The following MBP variants were observed in gnomAD, a reference collection of about 807,000 sequenced individuals.
MBP encodes the protein Golli-MBP.
MBP carries 16 observed loss-of-function variants against 35.8 expected under a neutral mutation model. The observed-to-expected ratio is 0.45, with a 90% CI of 0.30 to 0.68. The LOEUF (loss-of-function observed/expected upper bound fraction) is 0.68. Ranked by LOEUF, MBP falls within the 30% of genes least tolerant of loss-of-function variation. MBP has a pLI of 0.08. For missense variants in MBP, 380 were observed against 404.7 expected (o/e 0.94, Z 0.52); for synonymous variants, 143 against 159.6 (o/e 0.90, Z 0.78).
chr18:77,098,781 A>T (rs9961315), intron 2 of MBP, among the ~76,000 whole-genome samples: 35,934 of 152,162 alleles, frequency 0.24, 4,955 homozygotes, highest in Middle Eastern at 0.37. Context: ...TTCGGCAAAC[A>T]TCACTCTCAC....
chr18:76,996,710 T>G, intron 4 of MBP, among the ~76,000 whole-genome samples: 6 of 143,834 alleles, frequency 4.2e-5, no homozygotes, highest in African/African-American at 5.2e-5. Flanking sequence ...GGGCAGGGAG[T>G]GGAGGGAGGG....
intron 3 of MBP, among the ~76,000 whole-genome samples, chr18:77,024,124 C>G (rs2123529014): frequency 6.6e-6 from 1 of 152,384 alleles, no homozygotes; most frequent in Middle Eastern, 3.4e-3. Flanking sequence ...AAGTCAGCCT[C>G]TACACCCATG....
intron 3 of MBP, among the ~76,000 whole-genome samples, chr18:77,025,705 C>CTTTTTTTTTTTTTTTTTTTTTT (rs540022394): frequency 9.2e-6 from 1 of 108,830 alleles, no homozygotes; most frequent in African/African-American, 4.1e-5. Context: ...TATTGAAATA[C>CTTTTTTTTTTTTTTTTTTTTTT]TTTTTTTTTT....
At chr18:77,111,399 C>A (rs1005753168) in intron 1 of MBP, among the ~76,000 whole-genome samples, 1 of 152,242 alleles carries the variant, frequency 6.6e-6, no homozygotes, top group Non-Finnish European at 1.5e-5. Context: ...GGTGCAGACC[C>A]AGTATCCCAG....
chr18:77,029,271 C>T (rs1183604233), intron 3 of MBP, among the ~76,000 whole-genome samples: 7 of 149,272 alleles, frequency 4.7e-5, no homozygotes, highest in African/African-American at 1.5e-4. Flanking sequence ...ACCAGTCAGG[C>T]GTGGCGGCGC....
At chr18:77,035,187 C>T (rs11876149) in intron 3 of MBP, among the ~76,000 whole-genome samples, 15,375 of 152,174 alleles carry the variant, frequency 0.1, 891 homozygotes, top group East Asian at 0.25. Context: ...CTGCTTCTTA[C>T]GCATTCCGTA....
intron 4 of MBP, among the ~76,000 whole-genome samples, chr18:76,995,334 G>A (rs1970210195): frequency 1.3e-5 from 2 of 152,166 alleles, no homozygotes. Context: ...CTAGAGACAG[G>A]TGGATTCTAA....
intron 8 of MBP, chr18:76,982,233 T>C (rs1411786919): frequency 6.6e-6 from 1 of 152,274 alleles, no homozygotes; most frequent in Non-Finnish European, 1.5e-5. Flanking sequence ...CCTGCATGGA[T>C]GCAACAGTCA....
At chr18:77,009,071 G>C (rs371745211) in intron 4 of MBP, among the ~76,000 whole-genome samples, 1 of 152,228 alleles carries the variant, frequency 6.6e-6, no homozygotes, top group African/African-American at 2.4e-5. Context: ...CAGGTGCCAC[G>C]GTGCAGACGG....
intron 4 of MBP, among the ~76,000 whole-genome samples, chr18:76,993,883 A>G (rs1970118850): frequency 6.6e-6 from 1 of 152,212 alleles, no homozygotes; most frequent in Non-Finnish European, 1.5e-5. Context: ...TGAGGATGTC[A>G]GAAGGGCCAG....
intron 4 of MBP, 97 bp from the exon 5 acceptor site, chr18:76,990,157 ATTT>A (rs35688328): frequency 4.6e-5 from 28 of 604,720 alleles, no homozygotes; most frequent in Admixed American, 6.5e-5. Flanking sequence ...TGTAATCTGG[ATTT>A]TTTTTTTTTT....
intron 3 of MBP, among the ~76,000 whole-genome samples, chr18:77,055,212 C>T (rs946162424): frequency 3.0e-4 from 45 of 152,234 alleles, no homozygotes; most frequent in Admixed American, 2.8e-3. Context: ...AACTCCAGCA[C>T]AGCCTCTGTG....
intron 3 of MBP, among the ~76,000 whole-genome samples, chr18:77,045,639 G>C (rs1253650417): frequency 6.6e-6 from 1 of 152,226 alleles, no homozygotes; most frequent in East Asian, 1.9e-4. Flanking sequence ...TCAGAATATT[G>C]AAATAAATGG....
intron 2 of MBP, among the ~76,000 whole-genome samples, chr18:77,104,086 A>G (rs1025035015): frequency 6.6e-6 from 1 of 152,262 alleles, no homozygotes. Context: ...GTCCAGTGAC[A>G]GTGAGACTGA....
chr18:77,094,702 GACAA>G (rs754202624), intron 2 of MBP, among the ~76,000 whole-genome samples: 40 of 152,196 alleles, frequency 2.6e-4, no homozygotes, highest in Admixed American at 7.9e-4. Context: ...TTTTTCTCAT[GACAA>G]ACAGAGCTAA....
At position 77,016,500 on chromosome 18, in the gene MBP, A is replaced by G. The variant is rs1971647225; in HGVS notation, c.576+332T>C. 11 of 1,174,364 alleles carry G rather than the reference A, an allele frequency of 9.4e-6. No individual in the cohort carries two copies. The South Asian group carries it at 2.8e-4, about 30-fold the overall frequency. 72.7% of individuals were successfully genotyped at this position (1,174,364 alleles called of 1,614,324 possible). A position where few individuals can be genotyped will look rare whatever the true frequency, so the allele number is the denominator to read the frequency against. ...TCAGTCATCAAGTCCGCAAGCACAC[A>G]CCACCAGAGACCCTGAGAATGTGGC... On this transcript the variant is annotated intron_variant, in intron 4 of 8. Transcript: ENST00000355994.
At chr18:76,980,771 G>T (rs1969147087) in intron 8 of MBP, 1 of 377,624 alleles carries the variant, frequency 2.6e-6, no homozygotes, top group African/African-American at 2.1e-5. Context: ...GTGGGTGAAA[G>T]TGCAGCCGCT....
intron 4 of MBP, among the ~76,000 whole-genome samples, chr18:77,012,190 C>T (rs980923075): frequency 1.3e-5 from 2 of 152,198 alleles, no homozygotes; most frequent in Non-Finnish European, 2.9e-5. Context: ...TCATCTCATA[C>T]ACTCATTATC....
chr18:77,076,127 C>T (rs968029911), intron 2 of MBP, among the ~76,000 whole-genome samples: 75 of 152,230 alleles, frequency 4.9e-4, no homozygotes, highest in Admixed American at 4.9e-3. Flanking sequence ...CCACTGCCTG[C>T]CTCTCAGTGT....
Sources: gnomAD v4.1 joint callset for allele counts (sites outside exome capture counted in the v4.1 genomes callset) on GRCh38, gnomAD v4.1.1 for gene constraint, MANE v1.5 for transcripts, NCBI Gene and HGNC (gene_info 2026-07-23, HGNC 2026-07-21) for gene names.